FAAH2: variants seen among roughly 807,000 people sequenced by gnomAD.
The protein encoded by FAAH2 is fatty acid amide hydrolase 2, also known as fatty-acid amide hydrolase 2.
A neutral mutation model predicts 36.9 loss-of-function variants in FAAH2; 60 were observed. The observed-to-expected ratio is 1.63, with a 90% CI of 1.32 to 2.02. The LOEUF is 2.02. FAAH2 is among the 30% of genes most tolerant of loss of function. The probability of loss-of-function intolerance (pLI) is 0.00; values close to 1 mark genes in which losing one functional copy is unlikely to be tolerated. For synonymous variants in FAAH2, 214 were observed against 143.8 expected, an observed-to-expected ratio of 1.49 and a Z score of -3.49; for missense variants, 689 against 397.5, an observed-to-expected ratio of 1.73 and a Z score of -6.23.
At chrX:57,172,674 T>A in the FAAH2 span, among the ~76,000 whole-genome samples, 4 of 111,687 alleles carry the variant, frequency 3.6e-5, no homozygotes, top group Admixed American at 3.8e-4. Context: ...TCTCAGCAGA[T>A]GGGGAAGTGA....
chrX:57,235,394 G>T, the FAAH2 span, among the ~76,000 whole-genome samples: 1 of 111,207 alleles, frequency 9.0e-6, no homozygotes, highest in Non-Finnish European at 1.9e-5. Flanking sequence ...TTTATAATTT[G>T]GTATCTTGTT....
chrX:57,393,689 A>T (rs1296577867), intron 7 of FAAH2: 21 of 1,002,208 alleles, frequency 2.1e-5, no homozygotes, highest in Non-Finnish European at 2.7e-5. Flanking sequence ...CATTTTGCCC[A>T]GTCTCTCTCT....
chrX:57,204,072 A>G, the FAAH2 span, among the ~76,000 whole-genome samples: 1 of 110,917 alleles, frequency 9.0e-6, no homozygotes, highest in Non-Finnish European at 1.9e-5. Context: ...ACAGACTGAG[A>G]GGTGCAATTC....
intron 10 of FAAH2, among the ~76,000 whole-genome samples, chrX:57,485,270 A>T (rs1008617997): frequency 1.8e-5 from 2 of 111,186 alleles, no homozygotes; most frequent in African/African-American, 6.5e-5. Context: ...GTCAGGGGCA[A>T]AGTTAGTGGC....
intron 2 of FAAH2, among the ~76,000 whole-genome samples, chrX:57,301,665 A>G (rs1192422439): frequency 9.1e-6 from 1 of 109,713 alleles, no homozygotes; most frequent in Non-Finnish European, 1.9e-5. Flanking sequence ...TTCACATAAA[A>G]TCTAATAAAA....
intron 7 of FAAH2, among the ~76,000 whole-genome samples, chrX:57,428,789 A>G (rs1206803740): frequency 8.9e-6 from 1 of 112,163 alleles, no homozygotes; most frequent in Non-Finnish European, 1.9e-5. Context: ...AAAATACAGG[A>G]AGAAAACAGG....
the FAAH2 span, among the ~76,000 whole-genome samples, chrX:57,172,481 G>A: frequency 7.2e-5 from 8 of 111,199 alleles, no homozygotes; most frequent in Non-Finnish European, 1.5e-4. Context: ...GTGTGCTATC[G>A]TGTGCTCTTT....
At chrX:57,236,654 G>A in the FAAH2 span, among the ~76,000 whole-genome samples, 4 of 111,749 alleles carry the variant, frequency 3.6e-5, no homozygotes, top group South Asian at 1.1e-3. Flanking sequence ...CTTCTTTTAA[G>A]ATATGTCTTT....
chrX:57,351,038 T>C (rs1037046306), intron 5 of FAAH2, among the ~76,000 whole-genome samples: 5 of 111,613 alleles, frequency 4.5e-5, no homozygotes, highest in African/African-American at 6.5e-5. Context: ...AGAATATACA[T>C]TCTTTTCATC....
intron 10 of FAAH2, among the ~76,000 whole-genome samples, chrX:57,484,058 G>A (rs2057429149): frequency 1.8e-5 from 2 of 110,259 alleles, no homozygotes; most frequent in East Asian, 2.9e-4. Context: ...ACCCGCCTCG[G>A]CCTCCCAAAG....
chrX:57,401,319 G>C (rs746778457), intron 7 of FAAH2, among the ~76,000 whole-genome samples: 2 of 111,131 alleles, frequency 1.8e-5, no homozygotes, highest in East Asian at 5.7e-4. Context: ...AGGTAAAACA[G>C]TCCAGGTGAG....
At chrX:57,421,740 A>T (rs1234399267) in intron 7 of FAAH2, among the ~76,000 whole-genome samples, 1 of 111,861 alleles carries the variant, frequency 8.9e-6, no homozygotes, top group Non-Finnish European at 1.9e-5. Flanking sequence ...TAGGAGTGAA[A>T]ATGTGGTAAT....
chrX:57,469,960 C>A (rs1294124051), intron 10 of FAAH2, among the ~76,000 whole-genome samples: 4 of 111,808 alleles, frequency 3.6e-5, no homozygotes, highest in Non-Finnish European at 3.8e-5. Context: ...CAAAACCACT[C>A]AGCTACATGG....
the FAAH2 span, among the ~76,000 whole-genome samples, chrX:57,149,450 A>G: frequency 3.6e-5 from 4 of 111,659 alleles, no homozygotes; most frequent in African/African-American, 1.3e-4. Flanking sequence ...TTATTGGTCT[A>G]TTCAGAGATT....
At chrX:57,348,470 C>T (rs1020526314) in intron 5 of FAAH2, among the ~76,000 whole-genome samples, 3 of 111,185 alleles carry the variant, frequency 2.7e-5, no homozygotes, top group Non-Finnish European at 3.8e-5. Flanking sequence ...TCAAGAAAGA[C>T]ACCCAGGGGC....
At chrX:57,255,456 G>T in the FAAH2 span, among the ~76,000 whole-genome samples, 1 of 111,680 alleles carries the variant, frequency 9.0e-6, no homozygotes, top group African/African-American at 3.3e-5. Flanking sequence ...ACAAAAGCCT[G>T]GCAGAGACAC....
upstream of FAAH2, among the ~76,000 whole-genome samples, chrX:57,281,834 C>T (rs754571801): frequency 5.4e-5 from 6 of 111,330 alleles, no homozygotes; most frequent in Non-Finnish European, 1.1e-4. Flanking sequence ...GTTTTCTGTT[C>T]CTGTGATAGT....
intron 3 of FAAH2, among the ~76,000 whole-genome samples, chrX:57,323,476 C>G (rs926745367): frequency 9.0e-6 from 1 of 111,507 alleles, no homozygotes; most frequent in Non-Finnish European, 1.9e-5. Flanking sequence ...CCTATTACTC[C>G]ACATCCTCTC....
the FAAH2 span, among the ~76,000 whole-genome samples, chrX:57,157,612 G>C: frequency 9.0e-6 from 1 of 111,508 alleles, no homozygotes; most frequent in Non-Finnish European, 1.9e-5. Flanking sequence ...TGTAGACAAT[G>C]TGAGACTGTC....
Sources: allele counts gnomAD v4.1 joint callset (sites outside exome capture counted in the v4.1 genomes callset), GRCh38; gene constraint gnomAD v4.1.1; transcripts MANE v1.5; gene names NCBI Gene and HGNC (gene_info 2026-07-23, HGNC 2026-07-21).